Variants in LIMS2 observed in about 807,000 individuals in gnomAD.
The protein encoded by LIMS2 is LIM and senescent cell antigen-like-containing domain protein 2.
Under a neutral mutation model 45.3 loss-of-function variants are expected in LIMS2, and 30 were observed. The ratio of observed to expected loss-of-function variants is 0.66; its 90% CI spans 0.50 to 0.90. LIMS2 has a LOEUF of 0.90. Ranked by LOEUF, LIMS2 falls within the 40% of genes least tolerant of loss-of-function variation. The pLI is 0.00. For missense variants in LIMS2, 485 were observed against 468.7 expected (o/e 1.03, Z -0.32); for synonymous variants, 173 against 188.0 (o/e 0.92, Z 0.65).
intron 4 of LIMS2, among the ~76,000 whole-genome samples, chr2:127,654,029 A>C (rs897263060): frequency 1.1e-4 from 17 of 152,058 alleles, no homozygotes; most frequent in African/African-American, 4.1e-4. Context: ...GGTTCGCAGA[A>C]GGTGGGAACT....
At chr2:127,651,565 T>G in intron 4 of LIMS2, 2 of 1,612,764 alleles carry the variant, frequency 1.2e-6, no homozygotes, top group Non-Finnish European at 8.5e-7. Context: ...ATCCTGGCCC[T>G]GGCAAACCGC....
chr2:127,664,819 C>T lies in LIMS2; in HGVS notation c.12-7257G>A, dbSNP rs1684922063. On this transcript the variant is annotated intron_variant, in intron 1 of 9. Coordinates refer to ENST00000355119, the MANE Select transcript of LIMS2 (RefSeq NM_001161403.3). This position sits in a 1 kb window ranked among gnomAD's most constrained non-coding sequence, Gnocchi z 5.5. ...GCTGAGGAGGACAGGGAGGACCTGG[C>T]GCCTTTAGGATCCCTGCCAACAGTT... Among the ~76,000 whole-genome samples the T allele has an allele frequency of 6.6e-6, 1 of 152,156 alleles. No individual in the cohort carries two copies. Among genetic ancestry groups the T allele is most frequent in the Non-Finnish European group, 1.5e-5 (1 of 68,020 alleles).
At chr2:127,666,021 G>C (rs940351156) in intron 1 of LIMS2, among the ~76,000 whole-genome samples, 1 of 152,186 alleles carries the variant, frequency 6.6e-6, no homozygotes, top group Admixed American at 6.5e-5. Flanking sequence ...GTCTGATTGA[G>C]CCCAAATCCC....
intron 1 of LIMS2, among the ~76,000 whole-genome samples, chr2:127,665,745 TC>T (rs1387842302): frequency 6.6e-6 from 1 of 152,048 alleles, no homozygotes; most frequent in Non-Finnish European, 1.5e-5. Flanking sequence ...CTCTCACCAC[TC>T]CCGACTCAGC....
intron 1 of LIMS2, among the ~76,000 whole-genome samples, chr2:127,660,701 G>C (rs569605275): frequency 2.2e-4 from 34 of 152,242 alleles, no homozygotes; most frequent in African/African-American, 7.5e-4. Flanking sequence ...CTTTATTGTT[G>C]AAGTCAGCGA....
chr2:127,668,713 ACCT>A (rs1685152661), intron 1 of LIMS2, among the ~76,000 whole-genome samples: 1 of 102,040 alleles, frequency 9.8e-6, no homozygotes, highest in Admixed American at 9.7e-5. Context: ...AAAAAAAAAC[ACCT>A]TACTTAAAAA....
chr2:127,644,150 G>A, intron 4 of LIMS2: 2 of 455,658 alleles, frequency 4.4e-6, no homozygotes, highest in South Asian at 3.1e-5. Flanking sequence ...TCAGCTGTGT[G>A]CAGGGCAAGG....
chr2:127,660,695 A>G (rs1558894564), intron 1 of LIMS2, among the ~76,000 whole-genome samples: 1 of 152,142 alleles, frequency 6.6e-6, no homozygotes, highest in Non-Finnish European at 1.5e-5. Flanking sequence ...CCATGGCTTT[A>G]TTGTTGAAGT....
chr2:127,674,867 T>A lies in LIMS2; in HGVS notation c.11+147A>T, dbSNP rs552683506. The A allele has an allele frequency of 8.8e-4, 1,066 of 1,210,072 alleles. 8 individuals carry two copies. In the African/African-American group the frequency reaches 0.014, roughly 16 times the overall value. The allele number at this position is 1,210,072 out of a possible 1,614,324, so 75.0% of individuals were successfully genotyped here. A position where few individuals can be genotyped will look rare whatever the true frequency, so the allele number is the denominator to read the frequency against. On this transcript the variant is annotated intron_variant, in intron 1 of 9. Transcript: ENST00000355119. ...GGGGGACCCCTGCCCCGACGGGCGC[T>A]GCCGCCCCGGCAGCTGCGAGAATCC...
At chr2:127,641,088 A>G in intron 6 of LIMS2, 100 bp from the exon 7 acceptor site, 6 of 859,752 alleles carry the variant, frequency 7.0e-6, no homozygotes, top group Non-Finnish European at 1.2e-5. Context: ...GGAGCCAGTG[A>G]CTCCAGGGGA....
intron 8 of LIMS2, 21 bp from the exon 9 acceptor site, chr2:127,640,166 T>G (rs1427142128): frequency 6.2e-7 from 1 of 1,613,042 alleles, no homozygotes; most frequent in Admixed American, 1.7e-5. Flanking sequence ...AGCGTGGGAC[T>G]CAGCAGGCCT....
At chr2:127,650,324 C>T (rs1683600518) in intron 4 of LIMS2, 3 of 562,262 alleles carry the variant, frequency 5.3e-6, no homozygotes, top group Non-Finnish European at 9.5e-6. Context: ...CGCCCCTCAC[C>T]ACCCCTGTCA....
rs1229793028 is a variant in LIMS2, at chr2:127,653,150, C to G, written c.359+1274G>C. Among the ~76,000 whole-genome samples, 1 of 152,216 alleles carries G rather than the reference C, an allele frequency of 6.6e-6. No individual in the cohort carries two copies. The highest frequency in any genetic ancestry group is 2.4e-5 in the African/African-American group (1 of 41,448). ...CGAGGACAGTGGGCCGGACGCCAGG[C>G]CCCAGGCCACGTGCCTCTCTCACGG... On this transcript the variant is annotated intron_variant, in intron 4 of 9. Transcript: ENST00000355119. This position sits in a 1 kb window ranked among gnomAD's most constrained non-coding sequence, Gnocchi z 5.3.
At chr2:127,645,337 G>A (rs536287382) in intron 4 of LIMS2, among the ~76,000 whole-genome samples, 3 of 152,348 alleles carry the variant, frequency 2.0e-5, no homozygotes, top group Admixed American at 6.5e-5. Context: ...TTGAAACCAG[G>A]AAGGGTGATT....
At chr2:127,651,187 C>T (rs1683734612) in intron 4 of LIMS2, 1 of 1,611,340 alleles carries the variant, frequency 6.2e-7, no homozygotes, top group Non-Finnish European at 8.5e-7. Context: ...GCACACCTGG[C>T]CTGTGCCTTC....
intron 1 of LIMS2, among the ~76,000 whole-genome samples, chr2:127,681,102 G>A (rs1685601439): frequency 6.6e-6 from 1 of 152,144 alleles, no homozygotes; most frequent in Non-Finnish European, 1.5e-5. Context: ...TCCAAACGTG[G>A]CCTCGCCCGC....
intron 4 of LIMS2, among the ~76,000 whole-genome samples, chr2:127,645,655 G>A (rs972241485): frequency 6.6e-6 from 1 of 152,334 alleles, no homozygotes. Flanking sequence ...GCCCAAATGG[G>A]GCCTCATTAT....
intron 1 of LIMS2, among the ~76,000 whole-genome samples, chr2:127,661,772 G>A (rs1176059357): frequency 6.6e-6 from 1 of 152,216 alleles, no homozygotes; most frequent in Non-Finnish European, 1.5e-5. Context: ...TGGGATCAGA[G>A]GAGCCTGCTC....
chr2:127,651,001 T>G, intron 4 of LIMS2: 3 of 1,613,796 alleles, frequency 1.9e-6, no homozygotes, highest in Non-Finnish European at 2.5e-6. Flanking sequence ...ACCCGCCTGG[T>G]CTACCACTTC....
Sources: gnomAD v4.1 joint callset for allele counts (sites outside exome capture counted in the v4.1 genomes callset) on GRCh38, gnomAD v4.1.1 for gene constraint, Gnocchi (gnomAD v3.1) non-coding constraint, MANE v1.5 for transcripts, NCBI Gene and HGNC (gene_info 2026-07-23, HGNC 2026-07-21) for gene names.